The following ACO2 variants were observed in gnomAD, a reference collection of about 807,000 sequenced individuals.
ACO2 encodes aconitate hydratase, mitochondrial.
ACO2 carries 31 observed loss-of-function variants against 84.5 expected under a neutral mutation model. The ratio of observed to expected loss-of-function variants is 0.37; its 90% CI spans 0.28 to 0.50. ACO2 has a LOEUF of 0.50. ACO2 is among the 20% of genes least tolerant of loss of function. The probability of loss-of-function intolerance (pLI) is 0.97; values close to 1 mark genes in which losing one functional copy is unlikely to be tolerated. For synonymous variants in ACO2, 414 were observed against 412.7 expected (o/e 1.00, Z -0.04); for missense variants, 685 against 1,029.3 (o/e 0.67, Z 4.58).
At chr22:41,476,659 G>A (rs1447421155) in intron 1 of ACO2, among the ~76,000 whole-genome samples, 1 of 152,012 alleles carries the variant, frequency 6.6e-6, no homozygotes, top group Non-Finnish European at 1.5e-5. Flanking sequence ...GCAATGAGCC[G>A]AGATTGCGCC....
chr22:41,482,733 G>A (rs2038103553), intron 1 of ACO2, among the ~76,000 whole-genome samples: 1 of 152,190 alleles, frequency 6.6e-6, no homozygotes, highest in Non-Finnish European at 1.5e-5. Flanking sequence ...CACTGGTCTA[G>A]GTTCTCTCCT....
Position 41,515,329 on chromosome 22 carries a change from A to G in ACO2, c.526-48A>G, listed in dbSNP as rs1165312497. On this transcript the variant is annotated intron_variant, in intron 4 of 17. Coordinates refer to ENST00000216254, the MANE Select transcript of ACO2 (RefSeq NM_001098.3). The surrounding 1 kb of genome is among the most constrained non-coding windows in gnomAD (Gnocchi z 5.8). ...CGGGTCAGTGGGGCCATTTTTTGGTATTCTCGGCTGAGGGCTTCTAAATAT... is the reference window on the plus strand; with the variant it reads ...CGGGTCAGTGGGGCCATTTTTTGGTGTTCTCGGCTGAGGGCTTCTAAATAT... The G allele has an allele frequency of 3.1e-6, 5 of 1,610,272 alleles. No homozygotes were observed. Among genetic ancestry groups the G allele is most frequent in the Non-Finnish European group, 4.2e-6 (5 of 1,178,814 alleles).
chr22:41,527,067 A>G, intron 15 of ACO2: 3 of 637,822 alleles, frequency 4.7e-6, no homozygotes, highest in Non-Finnish European at 8.0e-6. Context: ...TTGCCACTGC[A>G]AACAACCACG....
chr22:41,513,704 TGGGACCAGGTCAGTACA>T (rs1452168476), intron 4 of ACO2, among the ~76,000 whole-genome samples: 2 of 152,232 alleles, frequency 1.3e-5, no homozygotes, highest in Non-Finnish European at 2.9e-5. Context: ...GCTCTGGGTT[TGGGACCAGGTCAGTACA>T]GAGCAGGTCC....
intron 2 of ACO2, among the ~76,000 whole-genome samples, chr22:41,500,489 A>G (rs2066346773): frequency 1.3e-5 from 2 of 151,410 alleles, no homozygotes; most frequent in Non-Finnish European, 2.9e-5. Flanking sequence ...AGTTGGAACG[A>G]TTCTTGTGCC....
chr22:41,482,211 G>A (rs1569002148), intron 1 of ACO2, among the ~76,000 whole-genome samples: 1 of 152,222 alleles, frequency 6.6e-6, no homozygotes, highest in Non-Finnish European at 1.5e-5. Flanking sequence ...GGCTCATCCA[G>A]CTAGACTCAG....
intron 2 of ACO2, among the ~76,000 whole-genome samples, chr22:41,500,113 C>G (rs978660754): frequency 6.6e-6 from 1 of 152,018 alleles, no homozygotes; most frequent in African/African-American, 2.4e-5. Flanking sequence ...CTCTGAGACA[C>G]TTTGGCACTA....
chr22:41,508,870 GC>G (rs1178583113), intron 3 of ACO2, among the ~76,000 whole-genome samples: 1 of 152,220 alleles, frequency 6.6e-6, no homozygotes, highest in Non-Finnish European at 1.5e-5. Flanking sequence ...TGCTGGCAGG[GC>G]TGCGGCCTGT....
intron 14 of ACO2, chr22:41,526,054 T>A (rs1460591286): frequency 5.7e-6 from 3 of 529,782 alleles, no homozygotes; most frequent in Middle Eastern, 5.0e-4. Context: ...GCCAGAGGCC[T>A]TTGAGGGGAT....
rs561905268 is a variant in ACO2, at chr22:41,515,097, G to A, written c.526-280G>A. Among the ~76,000 whole-genome samples the A allele has an allele frequency of 1.4e-4, 21 of 152,356 alleles. No individual in the cohort carries two copies. The highest frequency in any genetic ancestry group is 5.1e-4 in the African/African-American group (21 of 41,576). Reference sequence around the variant, plus strand: ...ATGGTGGTATGGGTGTTTGGTTACTGTGCTACAAATGAGGAAACTGAGGCA... The same window carrying A: ...ATGGTGGTATGGGTGTTTGGTTACTATGCTACAAATGAGGAAACTGAGGCA... On this transcript the variant is annotated intron_variant, in intron 4 of 17. Coordinates refer to ENST00000216254, the MANE Select transcript of ACO2 (RefSeq NM_001098.3). The surrounding 1 kb of genome is among the most constrained non-coding windows in gnomAD (Gnocchi z 5.8).
At position 41,515,977 on chromosome 22, in the gene ACO2, G is replaced by A. The variant is rs754684779; in HGVS notation, c.835+60G>A. On this transcript the variant is annotated intron_variant, in intron 6 of 17. Coordinates refer to ENST00000216254, the MANE Select transcript of ACO2 (RefSeq NM_001098.3). The surrounding 1 kb of genome is among the most constrained non-coding windows in gnomAD (Gnocchi z 5.8). ...CTGTGCTGGGCCTGATGGGTCTCCA[G>A]TTGGGAGTAGAAGCGGTGAATGGCC... 3.2e-6 allele frequency: 5 copies of A among 1,573,920 alleles called. No homozygotes were observed. The highest frequency in any genetic ancestry group is 4.3e-6 in the Non-Finnish European group (5 of 1,158,092).
chr22:41,472,313 A>G (rs2037955288), intron 1 of ACO2, among the ~76,000 whole-genome samples: 1 of 151,426 alleles, frequency 6.6e-6, no homozygotes. Flanking sequence ...AGATCGCGCC[A>G]CTGCACTACA....
rs1399327359 is a variant in ACO2 at position 41,525,290 on chromosome 22, T to G, written c.1703T>G (p.Leu568Arg). The G allele has an allele frequency of 6.2e-7, 1 of 1,614,074 alleles. No homozygotes were observed. The highest frequency in any genetic ancestry group is 8.5e-7 in the Non-Finnish European group (1 of 1,179,996). The stretch of plus-strand genomic sequence containing the variant: ...CCCACCAGCCAGCGCCTGCAGCTCC[T>G]GGAGCCTTTTGACAAGTGGGATGGC... ...VSPTSQRLQL[L>R]EPFDKWDGKD... Residue 568 changes from leucine to arginine, a missense_variant, in exon 14 of 18, where the codon CTG (leucine) becomes CGG (arginine). Around this residue, in one of 5 missense-constraint regions of ACO2, gnomAD observed 311 missense variants for 441.6 expected, o/e 0.70. Transcript: ENST00000216254.
At chr22:41,523,721 C>A (rs547167403) in intron 11 of ACO2, 109 bp from the exon 12 acceptor site, 1 of 1,007,298 alleles carries the variant, frequency 9.9e-7, no homozygotes, top group Non-Finnish European at 1.5e-6. Context: ...CATTTTCCCT[C>A]GGTAGGAGCT....
At chr22:41,510,810 C>T (rs186655817) in intron 3 of ACO2, among the ~76,000 whole-genome samples, 1 of 152,324 alleles carries the variant, frequency 6.6e-6, no homozygotes, top group African/African-American at 2.4e-5. Context: ...AGGATGGCTA[C>T]AGCCCGTGTC....
At position 41,522,940 on chromosome 22, in the gene ACO2, A is replaced by G; in HGVS notation, c.1249A>G (p.Thr417Ala). 2 of 1,614,102 alleles carry G rather than the reference A, an allele frequency of 1.2e-6. No homozygotes were observed. The highest frequency in any genetic ancestry group is 8.5e-7 in the Non-Finnish European group (1 of 1,180,022). ...GLKCKSQFTI[T>A]PGSEQIRATI... ...CAAGTGCAAGTCCCAGTTCACCATCACTCCAGGTTCCGAGCAGATCCGCGC... is the reference window on the plus strand; with the variant it reads ...CAAGTGCAAGTCCCAGTTCACCATCGCTCCAGGTTCCGAGCAGATCCGCGC... The change falls in exon 10 of 18, where the codon ACT becomes GCT. Residue 417 changes from threonine (T) to alanine (A), a missense_variant. Transcript: ENST00000216254.
intron 1 of ACO2, among the ~76,000 whole-genome samples, chr22:41,482,984 T>G (rs964049041): frequency 1.9e-4 from 29 of 152,172 alleles, no homozygotes; most frequent in African/African-American, 6.5e-4. Flanking sequence ...GGGAAGAGAG[T>G]GAGCTTCCAG....
chr22:41,523,182 C>T (rs1413172695), intron 10 of ACO2, 23 bp from the exon 11 acceptor site: 4 of 1,603,084 alleles, frequency 2.5e-6, no homozygotes, highest in Non-Finnish European at 3.4e-6. Context: ...CCTTGACATT[C>T]TGTCTTCCTC....
intron 14 of ACO2, 28 bp downstream of exon 14, chr22:41,525,376 C>A: frequency 6.2e-7 from 1 of 1,610,164 alleles, no homozygotes; most frequent in East Asian, 2.2e-5. Flanking sequence ...GGCAGGACAG[C>A]CCCACCCTGC....
Sources: allele counts gnomAD v4.1 joint callset (sites outside exome capture counted in the v4.1 genomes callset), GRCh38; gene constraint gnomAD v4.1.1; regional missense constraint gnomAD v4.1.1; non-coding constraint Gnocchi (gnomAD v3.1); transcripts MANE v1.5; gene names NCBI Gene and HGNC (gene_info 2026-07-23, HGNC 2026-07-21).